Variants in LNX1 observed in about 807,000 individuals in gnomAD.
LNX1 encodes the protein E3 ubiquitin-protein ligase LNX.
In LNX1, 54 loss-of-function variants were observed where a neutral mutation model predicts 68.4. The ratio of observed to expected loss-of-function variants is 0.79; its 90% CI spans 0.63 to 0.99. LNX1 has a LOEUF of 0.99. LNX1 is among the 50% of genes least tolerant of loss of function. The pLI is 0.00. For missense variants in LNX1, 906 were observed against 926.4 expected (o/e 0.98, Z 0.29); for synonymous variants, 336 against 350.0 (o/e 0.96, Z 0.45).
At position 53,496,310 on chromosome 4, in the gene LNX1, C is replaced by T; in HGVS notation, c.1063G>A (p.Val355Met). 3.7e-6 allele frequency: 6 copies of T among 1,614,192 alleles called. No individual in the cohort carries two copies. Among genetic ancestry groups the T allele is most frequent in the Non-Finnish European group, 5.1e-6 (6 of 1,180,022 alleles). Residue 355 changes from valine to methionine, a missense_variant, in exon 6 of 11, where the codon GTG (valine) becomes ATG (methionine). Coordinates refer to ENST00000263925, the MANE Select transcript of LNX1 (RefSeq NM_001126328.3). ...CTGCGGAACTTCTGTTCACGCATCACAGTCAGCCACAGCACCTGGCAGGGC... is the reference window on the plus strand; with the variant it reads ...CTGCGGAACTTCTGTTCACGCATCATAGTCAGCCACAGCACCTGGCAGGGC... ...RQPCQVLWLT[V>M]MREQKFRSRN...
intron 1 of LNX1, among the ~76,000 whole-genome samples, chr4:53,623,415 G>T (rs1216418449): frequency 6.6e-6 from 1 of 151,476 alleles, no homozygotes; most frequent in African/African-American, 2.4e-5. Flanking sequence ...TGTATTTTTT[G>T]GTAGAGACAG....
chr4:53,567,315 C>A (rs1466337602), intron 2 of LNX1, among the ~76,000 whole-genome samples: 1 of 147,538 alleles, frequency 6.8e-6, no homozygotes, highest in African/African-American at 2.5e-5. Flanking sequence ...ACAGTGCAAT[C>A]AAACTAGAAC....
intron 2 of LNX1, among the ~76,000 whole-genome samples, chr4:53,517,151 G>C (rs1410893191): frequency 5.3e-5 from 8 of 152,300 alleles, no homozygotes; most frequent in Admixed American, 5.2e-4. Context: ...AAAGGAGCCT[G>C]AGAGATTCTA....
intron 1 of LNX1, among the ~76,000 whole-genome samples, chr4:53,623,532 A>G (rs1733962424): frequency 6.6e-6 from 1 of 151,958 alleles, no homozygotes; most frequent in African/African-American, 2.4e-5. Context: ...CCATGCCTGG[A>G]CTCAAGAACA....
intron 2 of LNX1, among the ~76,000 whole-genome samples, chr4:53,548,704 A>C (rs1729280005): frequency 6.6e-6 from 1 of 152,240 alleles, no homozygotes; most frequent in Admixed American, 6.5e-5. Context: ...AATTCATTCT[A>C]CTATAAAGAC....
chr4:53,598,479 T>C (rs1407133743), intron 2 of LNX1, among the ~76,000 whole-genome samples: 1 of 152,144 alleles, frequency 6.6e-6, no homozygotes, highest in Non-Finnish European at 1.5e-5. Context: ...GCGATCCTCC[T>C]GCCTTGGCCT....
chr4:53,476,134 T>C (rs1380947817), intron 9 of LNX1, among the ~76,000 whole-genome samples: 4 of 152,010 alleles, frequency 2.6e-5, no homozygotes, highest in Non-Finnish European at 4.4e-5. Flanking sequence ...CCGTCTCTAC[T>C]AGAAATACAA....
chr4:53,582,809 A>G (rs1176396964), intron 1 of LNX1, among the ~76,000 whole-genome samples: 3 of 152,086 alleles, frequency 2.0e-5, no homozygotes, highest in East Asian at 3.9e-4. Context: ...CACTGGGGTG[A>G]CAGCTCAGTG....
chr4:53,507,305 GA>G lies in LNX1; in HGVS notation c.775+11del. ...GCCCATGTCCATCCAGCCTTATGGG[GA>G]GTTCATTTACCTTCAGGGGCAGTGG... On this transcript the variant is annotated intron_variant, in intron 4 of 10. Coordinates refer to ENST00000263925, the MANE Select transcript of LNX1 (RefSeq NM_001126328.3). The G allele has an allele frequency of 6.2e-7, 1 of 1,613,128 alleles. No individual in the cohort carries two copies. Among genetic ancestry groups the G allele is most frequent in the Non-Finnish European group, 8.5e-7 (1 of 1,179,532 alleles).
At chr4:53,613,805 T>G (rs903318972) in intron 2 of LNX1, among the ~76,000 whole-genome samples, 2 of 152,234 alleles carry the variant, frequency 1.3e-5, no homozygotes, top group African/African-American at 4.8e-5. Context: ...ATGATTTATA[T>G]TCCTTTGGGT....
chr4:53,474,756 G>A (rs1291208857), intron 9 of LNX1, among the ~76,000 whole-genome samples: 6 of 138,104 alleles, frequency 4.3e-5, no homozygotes, highest in Non-Finnish European at 9.4e-5. Flanking sequence ...AATGAGCAAA[G>A]TGCAGACTCT....
upstream of LNX1, among the ~76,000 whole-genome samples, chr4:53,596,473 T>C (rs1347379664): frequency 6.6e-6 from 1 of 152,186 alleles, no homozygotes; most frequent in Non-Finnish European, 1.5e-5. Context: ...AAAAAAGAAC[T>C]TCATTGTTAC....
chr4:53,533,573 A>AT (rs1327917125), intron 2 of LNX1, among the ~76,000 whole-genome samples: 2 of 151,950 alleles, frequency 1.3e-5, no homozygotes, highest in African/African-American at 4.8e-5. Flanking sequence ...TAATTTTTGT[A>AT]TTTTTTGGTA....
upstream of LNX1, chr4:53,593,084 T>G (rs1228901210): frequency 6.6e-6 from 1 of 152,260 alleles, no homozygotes; most frequent in Non-Finnish European, 1.5e-5. Context: ...TAGGTGTGGC[T>G]ATTCCTTTAT....
intron 2 of LNX1, among the ~76,000 whole-genome samples, chr4:53,600,460 G>A (rs1244869091): frequency 6.6e-6 from 1 of 152,076 alleles, no homozygotes; most frequent in Non-Finnish European, 1.5e-5. Flanking sequence ...TCCAAGAAAG[G>A]GCAGGCCCTC....
At chr4:53,647,077 A>G (rs1734914915) in intron 1 of LNX1, among the ~76,000 whole-genome samples, 1 of 152,188 alleles carries the variant, frequency 6.6e-6, no homozygotes, top group Non-Finnish European at 1.5e-5. Flanking sequence ...TCCCAGCACC[A>G]GAGGTTAGGT....
chr4:53,514,148 C>A (rs1053850923), intron 2 of LNX1, among the ~76,000 whole-genome samples: 2 of 152,196 alleles, frequency 1.3e-5, no homozygotes, highest in African/African-American at 4.8e-5. Flanking sequence ...GCACATCCTA[C>A]CCCTGCTTAT....
intron 6 of LNX1, 102 bp downstream of exon 6, chr4:53,495,921 A>C: frequency 7.3e-7 from 1 of 1,368,700 alleles, no homozygotes; most frequent in Non-Finnish European, 1.0e-6. Context: ...GAGGCACTGC[A>C]TGACACATGT....
At chr4:53,489,858 A>G (rs1219096383) in intron 6 of LNX1, among the ~76,000 whole-genome samples, 1 of 152,180 alleles carries the variant, frequency 6.6e-6, no homozygotes, top group Non-Finnish European at 1.5e-5. Context: ...TTATTTAAGT[A>G]GGGATTTAAT....
Sources: allele counts gnomAD v4.1 joint callset (sites outside exome capture counted in the v4.1 genomes callset), GRCh38; gene constraint gnomAD v4.1.1; transcripts MANE v1.5; gene names NCBI Gene and HGNC (gene_info 2026-07-23, HGNC 2026-07-21).